The following DNAH7 variants were observed in gnomAD, a reference collection of about 807,000 sequenced individuals.
The protein encoded by DNAH7 is axonemal beta dynein heavy chain 7.
A neutral mutation model predicts 444.6 loss-of-function variants in DNAH7; 397 were observed. The ratio of observed to expected loss-of-function variants is 0.89; its 90% confidence interval spans 0.82 to 0.97. DNAH7 has a LOEUF of 0.97. Among genes scored for constraint, DNAH7 ranks in the 50% least tolerant of loss-of-function variants. The pLI is 0.00. For synonymous variants in DNAH7, 1,636 were observed against 1,624.4 expected (o/e 1.01, Z -0.17); for missense variants, 4,902 against 4,800.8 (o/e 1.02, Z -0.62).
chr2:196,017,820 A>G (rs1173369508), intron 9 of DNAH7, among the ~76,000 whole-genome samples: 1 of 152,150 alleles, frequency 6.6e-6, no homozygotes, highest in Non-Finnish European at 1.5e-5. Flanking sequence ...CAAAAAACTA[A>G]AATGTTAAAA....
At chr2:195,954,597 C>A (rs1488703837) in intron 19 of DNAH7, among the ~76,000 whole-genome samples, 3 of 152,202 alleles carry the variant, frequency 2.0e-5, no homozygotes, top group African/African-American at 7.2e-5. Context: ...CTTGAGGAAT[C>A]ACCACACTGT....
In DNAH7 at chr2:196,056,480, T is replaced by C. The variant is rs186323129; in HGVS notation, c.78+1574A>G. Among the ~76,000 whole-genome samples the C allele has an allele frequency of 7.5e-3, 1,139 of 151,714 alleles. 6 individuals are homozygous for C. Among genetic ancestry groups the C allele is most frequent in the Non-Finnish European group, 0.011 (719 of 67,910 alleles). On this transcript the variant is annotated intron_variant, in intron 2 of 64. Transcript: ENST00000312428. ...CTTTTCTGCAGGGGGAATCCTCTAA[T>C]GCTACAGTATGGGACTCTAGGAAGA...
intron 61 of DNAH7, among the ~76,000 whole-genome samples, chr2:195,763,714 A>G (rs1694448195): frequency 1.3e-5 from 2 of 152,054 alleles, no homozygotes; most frequent in South Asian, 4.1e-4. Context: ...ATATCAAGTA[A>G]TAAGATCAAA....
intron 5 of DNAH7, among the ~76,000 whole-genome samples, chr2:196,035,104 C>T (rs1052429341): frequency 2.0e-5 from 3 of 152,034 alleles, no homozygotes; most frequent in African/African-American, 7.2e-5. Flanking sequence ...ATCGCTTGAA[C>T]CCAGGAGGCG....
At chr2:195,927,232 A>G (rs996802883) in intron 21 of DNAH7, among the ~76,000 whole-genome samples, 3 of 152,140 alleles carry the variant, frequency 2.0e-5, no homozygotes, top group Non-Finnish European at 4.4e-5. Context: ...TGGGAAACAC[A>G]CTAGTCTGTT....
chr2:195,959,478 G>C (rs1690929619), intron 18 of DNAH7, among the ~76,000 whole-genome samples: 1 of 152,156 alleles, frequency 6.6e-6, no homozygotes, highest in South Asian at 2.1e-4. Context: ...GCTGGAGCAA[G>C]CTGGCAGGAG....
Position 195,855,868 on chromosome 2 carries a change from G to C in DNAH7, c.8538C>G (p.Ala2846=), listed in dbSNP as rs984805356. 3.7e-6 allele frequency: 6 copies of C among 1,613,968 alleles called. No individual in the cohort carries two copies. Among genetic ancestry groups the C allele is most frequent in the Non-Finnish European group, 2.5e-6 (3 of 1,179,958 alleles). The part of the protein sequence containing the change: ...AALKEVQDKL[A]RLQDTLELNK... ...TTAATTCAAGTGTGTCTTGAAGCCT[G>C]GCCAGCTTGTCCTGAACTTCCTTAA... The change falls in exon 45 of 65, where the codon GCC becomes GCG. Residue 2846 remains alanine, a synonymous_variant. Transcript: ENST00000312428.
chr2:195,971,181 T>C (rs770344733), intron 16 of DNAH7, among the ~76,000 whole-genome samples: 4 of 152,218 alleles, frequency 2.6e-5, no homozygotes, highest in East Asian at 3.8e-4. Context: ...TATAATGTAA[T>C]AGAAAGAAAG....
At chr2:195,910,982 T>C (rs1687325063) in intron 24 of DNAH7, among the ~76,000 whole-genome samples, 2 of 152,018 alleles carry the variant, frequency 1.3e-5, no homozygotes, top group Admixed American at 1.3e-4. Flanking sequence ...AAAAAAACTC[T>C]AGAGTCTTCC....
chr2:195,820,371 G>A (rs1450343547), intron 49 of DNAH7, among the ~76,000 whole-genome samples: 1 of 151,392 alleles, frequency 6.6e-6, no homozygotes. Context: ...TAGATGACGA[G>A]TTGATAGGTG....
At chr2:196,063,848 T>C (rs146266643) in intron 1 of DNAH7, 236 of 152,304 alleles carry the variant, frequency 1.5e-3, no homozygotes, top group African/African-American at 5.3e-3. Context: ...TTCATATTAT[T>C]ATCTTGTTTC....
Position 195,886,182 on chromosome 2 carries a change from G to C in DNAH7, c.5497C>G (p.Leu1833Val). 6.2e-7 allele frequency: 1 copy of C among 1,613,822 alleles called. No homozygotes were observed. The highest frequency in any genetic ancestry group is 1.1e-5 in the South Asian group (1 of 91,008). Residue 1833 changes from leucine to valine, a missense_variant, in exon 34 of 65, where the codon CTA becomes GTA. Physicochemically the swap from Leu to Val is conservative, Grantham distance 32. Transcript: ENST00000312428. ...FMDDFADEVK[L>V]KERNDRETYS... ...GTTTCTCGATCATTTCTCTCCTTTA[G>C]TTTGACTTCATCAGCAAAATCATCC...
intron 5 of DNAH7, among the ~76,000 whole-genome samples, chr2:196,030,438 C>T (rs1433392675): frequency 6.6e-6 from 1 of 152,184 alleles, no homozygotes; most frequent in Non-Finnish European, 1.5e-5. Flanking sequence ...CCCTCCAAAT[C>T]TCATGTCTTC....
rs765829470 is a variant in DNAH7, at chr2:195,864,183, G to A, written c.7472C>T (p.Ala2491Val). ...GTCAATGGTACAGCAGTTAACAAGAGCAGGGAACTTTCTAAGACGATTCCG... is the reference window on the plus strand; with the variant it reads ...GTCAATGGTACAGCAGTTAACAAGAACAGGGAACTTTCTAAGACGATTCCG... ...AFRNRLRKFP[A>V]LVNCCTIDWF... Residue 2491 changes from alanine to valine, a missense_variant, in exon 41 of 65, where the codon GCT (alanine) becomes GTT (valine). Ala to Val is a moderately conservative substitution (Grantham distance 64). Coordinates refer to ENST00000312428, the MANE Select transcript of DNAH7 (RefSeq NM_018897.3). The A allele has an allele frequency of 6.2e-7, 1 of 1,614,118 alleles. No homozygotes were observed. Among genetic ancestry groups the A allele is most frequent in the South Asian group, 1.1e-5 (1 of 91,082 alleles).
At position 195,941,220 on chromosome 2, in the gene DNAH7, G is replaced by C. The variant is rs144855801; in HGVS notation, c.3079-4428C>G. ...TAAAAAATGAGTTCATGTCCTTTGC[G>C]GGGACATAGATGAAGCTGGAAGCCA... On this transcript the variant is annotated intron_variant, in intron 19 of 64. Coordinates refer to ENST00000312428, the MANE Select transcript of DNAH7 (RefSeq NM_018897.3). 3.8e-3 allele frequency among the ~76,000 whole-genome samples: 579 copies of C among 151,998 alleles called. 1 individual carries two copies. Among genetic ancestry groups the C allele is most frequent in the Non-Finnish European group, 5.1e-3 (344 of 67,954 alleles).
In DNAH7 at chr2:195,855,899, GC is replaced by G. The variant is rs1329300347; in HGVS notation, c.8506del (p.Ala2836GlnfsTer19). 1 of 1,613,884 alleles carries G rather than the reference GC, an allele frequency of 6.2e-7. No homozygotes were observed. The highest frequency in any genetic ancestry group is 8.5e-7 in the Non-Finnish European group (1 of 1,179,934). On this transcript the variant is annotated frameshift_variant, in exon 45 of 65. Coordinates refer to ENST00000312428, the MANE Select transcript of DNAH7 (RefSeq NM_018897.3). LOFTEE classifies it high-confidence loss of function. ...IAMDGLRKKQ[A>X]ALKEVQDKLA... The stretch of plus-strand genomic sequence containing the variant: ...CTTGTCCTGAACTTCCTTAAGGGCT[GC>G]CTGCTTCTTTCTAAGACCATCCATG...
At chr2:195,746,703 C>T (rs1693431570) in intron 63 of DNAH7, among the ~76,000 whole-genome samples, 2 of 152,122 alleles carry the variant, frequency 1.3e-5, no homozygotes, top group Admixed American at 6.5e-5. Flanking sequence ...CACTCAAAAC[C>T]ACTCAACTAC....
chr2:195,997,720 G>C (rs929814822), intron 12 of DNAH7, among the ~76,000 whole-genome samples: 10 of 152,144 alleles, frequency 6.6e-5, no homozygotes, highest in African/African-American at 2.2e-4. Context: ...TTCTACCAAA[G>C]GTTGTGTTAA....
intron 40 of DNAH7, among the ~76,000 whole-genome samples, chr2:195,866,460 T>A (rs1194601097): frequency 6.6e-6 from 1 of 152,248 alleles, no homozygotes. Context: ...TCCCAATACA[T>A]GCCAATGGCC....
Sources: allele counts gnomAD v4.1 joint callset (sites outside exome capture counted in the v4.1 genomes callset), GRCh38; gene constraint gnomAD v4.1.1; transcripts MANE v1.5; gene names NCBI Gene and HGNC (gene_info 2026-07-23, HGNC 2026-07-21).